Variants in EML5 observed in about 807,000 individuals in gnomAD.
EML5 encodes echinoderm microtubule-associated protein-like 5.
A neutral mutation model predicts 250.0 loss-of-function variants in EML5; 120 were observed. The observed-to-expected ratio is 0.48, with a 90% CI of 0.41 to 0.56. EML5 has a LOEUF of 0.56. Among genes scored for constraint, EML5 ranks in the 20% least tolerant of loss-of-function variants. EML5 has a pLI of 0.00. For synonymous variants in EML5, 771 were observed against 806.5 expected, an observed-to-expected ratio of 0.96 and a Z score of 0.75; for missense variants, 2,006 against 2,437.6, an observed-to-expected ratio of 0.82 and a Z score of 3.73.
In EML5 at chr14:88,658,172, T is replaced by C. The variant is rs2091941278; in HGVS notation, c.3877+15A>G. On this transcript the variant is annotated intron_variant, in intron 26 of 43. Coordinates refer to ENST00000554922, the MANE Select transcript of EML5 (RefSeq NM_183387.3). Reference sequence around the variant, plus strand: ...TTTCCCTATATTTTTGTTCAAGTATTATAAAATGACGTACCCCCATCTTCT... The same window carrying C: ...TTTCCCTATATTTTTGTTCAAGTATCATAAAATGACGTACCCCCATCTTCT... 6.2e-7 allele frequency: 1 copy of C among 1,613,096 alleles called. No homozygotes were observed. The highest frequency in any genetic ancestry group is 1.1e-5 in the South Asian group (1 of 91,002).
chr14:88,662,336 CTTGT>C (rs1215901230), intron 24 of EML5, among the ~76,000 whole-genome samples: 1,899 of 32,484 alleles, frequency 0.058, 24 homozygotes, highest in Non-Finnish European at 0.082. Context: ...CACAATTTTT[CTTGT>C]TTTTTTTTTT....
intron 9 of EML5, among the ~76,000 whole-genome samples, chr14:88,713,265 A>C (rs1301246932): frequency 6.6e-6 from 1 of 151,830 alleles, no homozygotes; most frequent in Non-Finnish European, 1.5e-5. Context: ...GGTGGTGGGC[A>C]CCTGTAATCT....
intron 15 of EML5, among the ~76,000 whole-genome samples, chr14:88,696,169 A>G (rs562931123): frequency 2.9e-4 from 44 of 149,792 alleles, no homozygotes; most frequent in Non-Finnish European, 6.1e-4. Flanking sequence ...CTTTGAATAT[A>G]TATATATATA....
At chr14:88,705,172 CAAAT>C (rs1390520854) in intron 12 of EML5, among the ~76,000 whole-genome samples, 194 bp from the exon 13 acceptor site, 2 of 151,986 alleles carry the variant, frequency 1.3e-5, no homozygotes, top group Admixed American at 6.6e-5. Flanking sequence ...ATCACACTGA[CAAAT>C]AGATACATAG....
intron 33 of EML5, among the ~76,000 whole-genome samples, chr14:88,633,764 T>C (rs1038541131): frequency 2.0e-5 from 3 of 152,250 alleles, no homozygotes; most frequent in Non-Finnish European, 2.9e-5. Context: ...AAAATGCTTA[T>C]ACTTTTATTA....
Position 88,620,855 on chromosome 14 carries a change from C to T in EML5, c.5274G>A (p.Val1758=), listed in dbSNP as rs2088767022. 1 of 1,588,526 alleles carries T rather than the reference C, an allele frequency of 6.3e-7. No homozygotes were observed. Among genetic ancestry groups the T allele is most frequent in the African/African-American group, 1.3e-5 (1 of 74,188 alleles). The part of the protein sequence containing the change: ...TVCYSPEGDM[V]AIGMKNGEFI... Reference sequence around the variant, plus strand: ...ATTCTCCATTTTTCATTCCAATAGCCACCATGTCCCCTTCAGGGCTGTAAC... The same window carrying T: ...ATTCTCCATTTTTCATTCCAATAGCTACCATGTCCCCTTCAGGGCTGTAAC... Residue 1758 remains valine (V), a synonymous_variant, in exon 39 of 44, where the codon GTG becomes GTA. Transcript: ENST00000554922. This position sits in a 1 kb window ranked among gnomAD's most constrained non-coding sequence, Gnocchi z 4.3.
intron 1 of EML5, among the ~76,000 whole-genome samples, chr14:88,784,095 G>A (rs1220204356): frequency 1.3e-5 from 2 of 152,106 alleles, no homozygotes; most frequent in Non-Finnish European, 2.9e-5. Context: ...AAAATTTCTT[G>A]AAACAAATGT....
intron 3 of EML5, among the ~76,000 whole-genome samples, chr14:88,744,403 G>A (rs1252941249): frequency 4.6e-5 from 7 of 151,948 alleles, no homozygotes; most frequent in Non-Finnish European, 8.8e-5. Flanking sequence ...ATTAGGACAC[G>A]AAGGGAGGTG....
At chr14:88,730,223 A>G (rs1440241383) in intron 7 of EML5, among the ~76,000 whole-genome samples, 1 of 152,222 alleles carries the variant, frequency 6.6e-6, no homozygotes, top group African/African-American at 2.4e-5. Context: ...TAGCTGTGCT[A>G]AAAGGATACA....
chr14:88,792,863 C>T lies in EML5; in HGVS notation c.-360G>A, dbSNP rs1001955538. On this transcript the variant is annotated 5_prime_UTR_variant, in exon 1 of 44. Transcript: ENST00000554922. The surrounding 1 kb of genome is among the most constrained non-coding windows in gnomAD (Gnocchi z 6.9). ...CGCCGCCCGCGCACGCAGCTCCCAG[C>T]CCCGGTCACCTGCGGCGCTCGCGCC... The T allele has an allele frequency of 2.3e-4, 103 of 457,356 alleles. No individual in the cohort carries two copies. Among genetic ancestry groups the T allele is most frequent in the Non-Finnish European group, 4.9e-5 (17 of 346,642 alleles). The allele number at this position is 457,356 out of a possible 1,614,324, so 28.3% of individuals were successfully genotyped here.
At chr14:88,777,794 G>A (rs1279547957) in intron 1 of EML5, among the ~76,000 whole-genome samples, 1 of 152,170 alleles carries the variant, frequency 6.6e-6, no homozygotes, top group East Asian at 1.9e-4. Context: ...TGGGCAACAT[G>A]GCAAAATCCA....
At chr14:88,774,532 A>G (rs1458016066) in intron 1 of EML5, among the ~76,000 whole-genome samples, 2 of 152,206 alleles carry the variant, frequency 1.3e-5, no homozygotes, top group East Asian at 1.9e-4. Context: ...TATGATTACA[A>G]TATAATTATA....
At chr14:88,757,317 C>T (rs909313024) in intron 1 of EML5, among the ~76,000 whole-genome samples, 3 of 152,018 alleles carry the variant, frequency 2.0e-5, no homozygotes, top group Non-Finnish European at 4.4e-5. Flanking sequence ...AAACCATATA[C>T]AAATGTCAAC....
Position 88,618,258 on chromosome 14 carries a change from A to G in EML5, c.5612T>C (p.Ile1871Thr). Reference sequence around the variant, plus strand: ...CCATGTAGCCCAAGTAATTCTGTCAATAGCGGCATGATCCATAAGATGTTT... The same window carrying G: ...CCATGTAGCCCAAGTAATTCTGTCAGTAGCGGCATGATCCATAAGATGTTT... Reference protein sequence around the residue: ...SGKHLMDHAAIDRITWATWTS... With the variant: ...SGKHLMDHAATDRITWATWTS... The change falls in exon 41 of 44, where the codon ATT becomes ACT. Residue 1871 changes from isoleucine (I) to threonine (T), a missense_variant. Ile to Thr is a moderately conservative substitution (Grantham distance 89). Coordinates refer to ENST00000554922, the MANE Select transcript of EML5 (RefSeq NM_183387.3). 4.3e-6 allele frequency: 7 copies of G among 1,613,852 alleles called. No individual in the cohort carries two copies. Among genetic ancestry groups the G allele is most frequent in the Non-Finnish European group, 5.9e-6 (7 of 1,179,860 alleles).
chr14:88,791,080 T>C (rs2094601620), intron 1 of EML5, among the ~76,000 whole-genome samples: 1 of 150,726 alleles, frequency 6.6e-6, no homozygotes, highest in Non-Finnish European at 1.5e-5. Context: ...GCAATCTCAA[T>C]TTTGTCTTTT....
chr14:88,654,680 G>GTTTTTGCATTTTGCAAA (rs935517908), intron 27 of EML5, among the ~76,000 whole-genome samples: 2 of 152,140 alleles, frequency 1.3e-5, no homozygotes, highest in African/African-American at 4.8e-5. Context: ...TGCATTTGCT[G>GTTTTTGCATTTTGCAAA]AGGAGTGTTT....
At chr14:88,733,085 A>G (rs552136280) in intron 7 of EML5, among the ~76,000 whole-genome samples, 1 of 152,246 alleles carries the variant, frequency 6.6e-6, no homozygotes, top group African/African-American at 2.4e-5. Flanking sequence ...AACAATATCA[A>G]GCTGCTTTAT....
chr14:88,720,579 C>G (rs1384804126), intron 8 of EML5, among the ~76,000 whole-genome samples: 1 of 152,126 alleles, frequency 6.6e-6, no homozygotes, highest in Non-Finnish European at 1.5e-5. Flanking sequence ...ATTCAGCATC[C>G]TTTCATGTTG....
Position 88,625,142 on chromosome 14 carries a change from G to C in EML5, c.4741-15C>G. ...GTCAAGTTATTCTGAAAAGGAGTGG[G>C]GGAGGGGGAGACAAACTCATCAAAA... On this transcript the variant is annotated splice_polypyrimidine_tract_variant and intron_variant, in intron 35 of 43. Transcript: ENST00000554922. 6.2e-7 allele frequency: 1 copy of C among 1,612,602 alleles called. No individual in the cohort carries two copies. Among genetic ancestry groups the C allele is most frequent in the Non-Finnish European group, 8.5e-7 (1 of 1,179,332 alleles).
Sources: allele counts gnomAD v4.1 joint callset (sites outside exome capture counted in the v4.1 genomes callset), GRCh38; gene constraint gnomAD v4.1.1; non-coding constraint Gnocchi (gnomAD v3.1); transcripts MANE v1.5; gene names NCBI Gene and HGNC (gene_info 2026-07-23, HGNC 2026-07-21).